The following NDUFS4 variants were observed in gnomAD, a reference collection of about 807,000 sequenced individuals.
NDUFS4 encodes the protein NADH:ubiquinone oxidoreductase subunit S4, also known as NADH dehydrogenase [ubiquinone] iron-sulfur protein 4, mitochondrial.
A neutral mutation model predicts 24.3 loss-of-function variants in NDUFS4; 28 were observed. The ratio of observed to expected loss-of-function variants is 1.15; its 90% CI spans 0.85 to 1.58. The LOEUF is 1.58. Among genes scored for constraint, NDUFS4 ranks in the 40% most tolerant of loss-of-function variants. NDUFS4 has a pLI of 0.00. For missense variants in NDUFS4, 223 were observed against 207.9 expected, an observed-to-expected ratio of 1.07 and a Z score of -0.45; for synonymous variants, 93 against 69.7, an observed-to-expected ratio of 1.34 and a Z score of -1.67.
intron 2 of NDUFS4, among the ~76,000 whole-genome samples, chr5:53,643,187 T>C (rs542182377): frequency 1.3e-5 from 2 of 152,210 alleles, no homozygotes; most frequent in East Asian, 1.9e-4. Flanking sequence ...AGGCTTTTCA[T>C]ACCTATGTGA....
intron 2 of NDUFS4, among the ~76,000 whole-genome samples, chr5:53,624,668 T>C (rs967561259): frequency 6.6e-6 from 1 of 152,216 alleles, no homozygotes; most frequent in Non-Finnish European, 1.5e-5. Context: ...CTGATTTTTG[T>C]ATATTGATTT....
chr5:53,604,044 A>T (rs752529808), intron 2 of NDUFS4, among the ~76,000 whole-genome samples: 15 of 152,216 alleles, frequency 9.9e-5, no homozygotes, highest in Non-Finnish European at 1.8e-4. Flanking sequence ...GACCAGCAAC[A>T]AATGAGTAAT....
At chr5:53,659,971 G>A (rs1173370327) in intron 4 of NDUFS4, among the ~76,000 whole-genome samples, 1 of 151,922 alleles carries the variant, frequency 6.6e-6, no homozygotes, top group Non-Finnish European at 1.5e-5. Flanking sequence ...CTATATGATA[G>A]TATATAAGTA....
chr5:53,675,512 GA>G (rs1209854197), intron 4 of NDUFS4, among the ~76,000 whole-genome samples: 2 of 152,020 alleles, frequency 1.3e-5, no homozygotes, highest in Admixed American at 1.3e-4. Flanking sequence ...CCTGAAGGTA[GA>G]AAAGCCTTAT....
intron 2 of NDUFS4, among the ~76,000 whole-genome samples, chr5:53,625,619 T>C (rs905768244): frequency 2.0e-5 from 3 of 152,198 alleles, no homozygotes; most frequent in African/African-American, 4.8e-5. Context: ...TTTCTTCTGT[T>C]GGTGTCCAAT....
chr5:53,560,806 AT>A (rs1214957986), intron 1 of NDUFS4, 46 bp downstream of exon 1: 5 of 1,612,274 alleles, frequency 3.1e-6, no homozygotes, highest in Non-Finnish European at 3.4e-6. Context: ...GGGTCCCTCC[AT>A]TTTTGCGGAG....
intron 1 of NDUFS4, among the ~76,000 whole-genome samples, chr5:53,574,864 G>A (rs1393879297): frequency 2.0e-5 from 3 of 152,044 alleles, no homozygotes; most frequent in Non-Finnish European, 4.4e-5. Flanking sequence ...CTATCATTAA[G>A]TTGCACTGTA....
intron 1 of NDUFS4, among the ~76,000 whole-genome samples, chr5:53,584,528 C>T (rs1290485959): frequency 8.6e-5 from 13 of 151,652 alleles, no homozygotes; most frequent in South Asian, 2.1e-4. Context: ...TTAGTAGAGA[C>T]GGGGTTACAC....
At chr5:53,565,046 T>C (rs529299121) in intron 1 of NDUFS4, among the ~76,000 whole-genome samples, 2 of 152,324 alleles carry the variant, frequency 1.3e-5, no homozygotes, top group South Asian at 4.1e-4. Context: ...TGACTTGCTT[T>C]ATCCAGTGAA....
chr5:53,662,443 G>A (rs1350238077), intron 4 of NDUFS4, among the ~76,000 whole-genome samples: 1 of 152,130 alleles, frequency 6.6e-6, no homozygotes, highest in Admixed American at 6.5e-5. Flanking sequence ...AGGGATATTG[G>A]TCTAAAAATC....
intron 2 of NDUFS4, 21 bp downstream of exon 2, chr5:53,603,551 A>G (rs768406660): frequency 1.9e-6 from 3 of 1,579,460 alleles, no homozygotes; most frequent in Non-Finnish European, 2.6e-6. Context: ...TCTACTACAC[A>G]CTGCTATGGT....
At chr5:53,591,462 G>T (rs1316290124) in intron 1 of NDUFS4, among the ~76,000 whole-genome samples, 666 of 6,970 alleles carry the variant, frequency 0.096, 17 homozygotes, top group South Asian at 0.17. Context: ...TGTTTTTTTT[G>T]GGGGGGGGGG....
chr5:53,619,401 C>T (rs1445247015), intron 2 of NDUFS4, among the ~76,000 whole-genome samples: 2 of 139,072 alleles, frequency 1.4e-5, no homozygotes, highest in African/African-American at 2.7e-5. Context: ...GAGGCAGAAT[C>T]GCTTGAACCC....
At chr5:53,660,798 C>T (rs1326164155) in intron 4 of NDUFS4, among the ~76,000 whole-genome samples, 1 of 152,150 alleles carries the variant, frequency 6.6e-6, no homozygotes, top group African/African-American at 2.4e-5. Flanking sequence ...TAAATGTCTT[C>T]TTTTGAGAAG....
intron 1 of NDUFS4, among the ~76,000 whole-genome samples, chr5:53,582,467 T>C (rs1343717194): frequency 6.6e-6 from 1 of 152,146 alleles, no homozygotes; most frequent in African/African-American, 2.4e-5. Flanking sequence ...CATGTATACA[T>C]GCCAGTTCAG....
At chr5:53,652,165 G>T (rs1752039507) in intron 3 of NDUFS4, among the ~76,000 whole-genome samples, 1 of 152,096 alleles carries the variant, frequency 6.6e-6, no homozygotes, top group Non-Finnish European at 1.5e-5. Context: ...CCCTGCTGAT[G>T]TAAGAGTATT....
intron 1 of NDUFS4, among the ~76,000 whole-genome samples, chr5:53,589,515 T>C (rs984930618): frequency 6.6e-6 from 1 of 152,228 alleles, no homozygotes; most frequent in African/African-American, 2.4e-5. Flanking sequence ...CCCCTTATAC[T>C]TCACTAATTT....
chr5:53,603,336 C>CTTTT (rs11414085), intron 1 of NDUFS4, 116 bp from the exon 2 acceptor site: 8,056 of 507,250 alleles, frequency 0.016, 94 homozygotes, highest in East Asian at 0.032. Flanking sequence ...CTTTCCTTTC[C>CTTTT]TTTTTTTTTT....
At chr5:53,606,414 C>G (rs533949173) in intron 2 of NDUFS4, among the ~76,000 whole-genome samples, 2 of 152,010 alleles carry the variant, frequency 1.3e-5, no homozygotes, top group African/African-American at 4.8e-5. Context: ...GTCATCCAGG[C>G]TGGAGTGCAG....
Sources: allele counts gnomAD v4.1 joint callset (sites outside exome capture counted in the v4.1 genomes callset), GRCh38; gene constraint gnomAD v4.1.1; transcripts MANE v1.5; gene names NCBI Gene and HGNC (gene_info 2026-07-23, HGNC 2026-07-21).